Variants in ANOS1 observed in about 807,000 individuals in gnomAD.
ANOS1 encodes anosmin-1.
A neutral mutation model predicts 59.0 loss-of-function variants in ANOS1; 6 were observed. The observed-to-expected ratio is 0.10, with a 90% CI of 0.06 to 0.20. ANOS1 has a LOEUF of 0.20. ANOS1 is among the 10% of genes least tolerant of loss of function. The pLI is 1.00. For missense variants in ANOS1, 433 were observed against 542.3 expected, an observed-to-expected ratio of 0.80 and a Z score of 2.00; for synonymous variants, 217 against 223.4, an observed-to-expected ratio of 0.97 and a Z score of 0.25.
chrX:8,723,845 T>C (rs753757535), intron 1 of ANOS1, among the ~76,000 whole-genome samples: 3 of 111,736 alleles, frequency 2.7e-5, no homozygotes, highest in Non-Finnish European at 5.6e-5. Flanking sequence ...AGACCTGCCA[T>C]GTAGTACTGT....
intron 2 of ANOS1, among the ~76,000 whole-genome samples, chrX:8,667,670 G>A (rs935703076): frequency 2.7e-5 from 3 of 111,578 alleles, no homozygotes; most frequent in African/African-American, 9.8e-5. Context: ...GAGGTCTACT[G>A]GAGATAAAAT....
chrX:8,659,384 C>T (rs904395919), intron 2 of ANOS1, among the ~76,000 whole-genome samples: 16 of 110,757 alleles, frequency 1.4e-4, no homozygotes, highest in African/African-American at 5.3e-4. Context: ...GCACTCCAGC[C>T]TGAGCGACAG....
intron 3 of ANOS1, among the ~76,000 whole-genome samples, chrX:8,611,876 C>T (rs1214966051): frequency 9.0e-6 from 1 of 111,097 alleles, no homozygotes; most frequent in Non-Finnish European, 1.9e-5. Context: ...GGGGTCTACA[C>T]AAAGAATGAA....
intron 1 of ANOS1, among the ~76,000 whole-genome samples, chrX:8,726,011 C>T (rs960927374): frequency 1.8e-5 from 2 of 110,086 alleles, no homozygotes; most frequent in Admixed American, 9.8e-5. Flanking sequence ...CAAACTGCAT[C>T]GAGTCGTGGT....
chrX:8,686,222 G>C (rs1415140857), intron 2 of ANOS1, among the ~76,000 whole-genome samples: 1 of 112,025 alleles, frequency 8.9e-6, no homozygotes, highest in Non-Finnish European at 1.9e-5. Flanking sequence ...CTGGATAAAA[G>C]GGTTCAAGAG....
chrX:8,569,234 C>T (rs1442469133), intron 7 of ANOS1, among the ~76,000 whole-genome samples: 1 of 112,317 alleles, frequency 8.9e-6, no homozygotes, highest in African/African-American at 3.2e-5. Flanking sequence ...GCTCTAGATT[C>T]CTAAGTGATT....
chrX:8,539,787 T>C (rs1000172196), intron 9 of ANOS1, 29 bp from the exon 10 acceptor site: 1 of 1,206,967 alleles, frequency 8.3e-7, no homozygotes, highest in Admixed American at 2.2e-5. Context: ...CAAACAAAAA[T>C]AATAGGCTGG....
intron 2 of ANOS1, among the ~76,000 whole-genome samples, chrX:8,681,735 A>C (rs1333072063): frequency 8.9e-6 from 1 of 112,012 alleles, no homozygotes; most frequent in African/African-American, 3.2e-5. Context: ...ATAATCAAGG[A>C]AAGTGAATAC....
chrX:8,686,502 C>T (rs1188279274), intron 2 of ANOS1, among the ~76,000 whole-genome samples: 1 of 112,242 alleles, frequency 8.9e-6, no homozygotes, highest in African/African-American at 3.2e-5. Flanking sequence ...TTTCAGCACA[C>T]TTGTTAAAGA....
At chrX:8,595,000 T>C (rs951767356) in intron 4 of ANOS1, among the ~76,000 whole-genome samples, 2 of 108,950 alleles carry the variant, frequency 1.8e-5, no homozygotes, top group Non-Finnish European at 3.8e-5. Context: ...TGTCTTTGTA[T>C]ACTTAATCAT....
At chrX:8,611,735 C>T (rs751748089) in intron 3 of ANOS1, among the ~76,000 whole-genome samples, 2 of 110,423 alleles carry the variant, frequency 1.8e-5, no homozygotes, top group Non-Finnish European at 3.8e-5. Context: ...ATTTTATACC[C>T]ATGAAATATC....
intron 1 of ANOS1, among the ~76,000 whole-genome samples, chrX:8,720,421 TA>T (rs78333056): frequency 1.8e-5 from 2 of 110,959 alleles, no homozygotes; most frequent in East Asian, 5.7e-4. Context: ...TGGATAGGCC[TA>T]AAAAAAAGCA....
chrX:8,578,600 G>A (rs775201845), intron 6 of ANOS1, among the ~76,000 whole-genome samples: 2 of 111,959 alleles, frequency 1.8e-5, no homozygotes, highest in African/African-American at 6.5e-5. Context: ...AATGCTGTCT[G>A]CTTCCTTTTC....
chrX:8,649,452 A>G (rs1931814645), intron 2 of ANOS1, among the ~76,000 whole-genome samples: 1 of 111,560 alleles, frequency 9.0e-6, no homozygotes, highest in Admixed American at 9.5e-5. Flanking sequence ...GGATTCACCA[A>G]TGAGCCATCT....
chrX:8,635,914 C>A (rs147897309), intron 2 of ANOS1, among the ~76,000 whole-genome samples: 2,946 of 111,311 alleles, frequency 0.026, 75 homozygotes, highest in African/African-American at 0.08. Flanking sequence ...GTTGTGCGTC[C>A]AGAATCTCAA....
chrX:8,594,729 T>C lies in ANOS1; in HGVS notation c.541+2305A>G, dbSNP rs1385576466. On this transcript the variant is annotated intron_variant, in intron 4 of 13. Coordinates refer to ENST00000262648, the MANE Select transcript of ANOS1 (RefSeq NM_000216.4). ...ATATATACACATATATATATCTACA[T>C]ATATATGTGTATATATATATACATA... 6.0e-5 allele frequency among the ~76,000 whole-genome samples: 5 copies of C among 83,798 alleles called. 1 individual carries two copies. In the Admixed American group the frequency reaches 6.9e-4, roughly 12 times the overall value. The allele number at this position is 83,798 out of a possible 115,157, so 72.8% of individuals were successfully genotyped here.
intron 2 of ANOS1, among the ~76,000 whole-genome samples, chrX:8,693,032 AATATTT>A (rs2146894466): frequency 8.9e-6 from 1 of 112,525 alleles, no homozygotes; most frequent in Non-Finnish European, 1.9e-5. Context: ...GGCTCATTAC[AATATTT>A]TGACTCTGTG....
chrX:8,673,738 C>G (rs757136822), intron 2 of ANOS1, among the ~76,000 whole-genome samples: 6 of 111,501 alleles, frequency 5.4e-5, no homozygotes, highest in African/African-American at 2.0e-4. Flanking sequence ...TAAGTGGTCA[C>G]GTTAGGTAAG....
At chrX:8,543,858 C>CT (rs1183832878) in intron 9 of ANOS1, among the ~76,000 whole-genome samples, 2 of 110,726 alleles carry the variant, frequency 1.8e-5, no homozygotes, top group Non-Finnish European at 3.8e-5. Context: ...CAGTAAAACT[C>CT]TGTCTTAAAA....
Sources: gnomAD v4.1 joint callset for allele counts (sites outside exome capture counted in the v4.1 genomes callset) on GRCh38, gnomAD v4.1.1 for gene constraint, MANE v1.5 for transcripts, NCBI Gene and HGNC (gene_info 2026-07-23, HGNC 2026-07-21) for gene names.